RPL37: variants seen among roughly 807,000 people sequenced by gnomAD.
RPL37 encodes the protein ribosomal protein L37.
Under a neutral mutation model 14.8 loss-of-function variants are expected in RPL37, and 1 was observed. The ratio of observed to expected loss-of-function variants is 0.07; its 90% CI spans 0.02 to 0.32. The LOEUF (loss-of-function observed/expected upper bound fraction) is 0.32, where lower values mean the gene tolerates loss of function less well. Among genes scored for constraint, RPL37 ranks in the 10% least tolerant of loss-of-function variants. The pLI is 1.00. For missense variants in RPL37, 100 were observed against 128.3 expected, an observed-to-expected ratio of 0.78 and a Z score of 1.06; for synonymous variants, 53 against 45.8, an observed-to-expected ratio of 1.16 and a Z score of -0.63.
chr5:40,834,356 G>A, intron 2 of RPL37, 91 bp from the exon 3 acceptor site: 2 of 1,558,724 alleles, frequency 1.3e-6, no homozygotes, highest in East Asian at 2.2e-5. Flanking sequence ...CCACCTCATC[G>A]GCATACAGAT....
chr5:40,826,558 G>A lies in RPL37; in HGVS notation c.*5946C>T, dbSNP rs935796626. The A allele has an allele frequency of 2.0e-5, 3 of 152,180 alleles. No individual in the cohort carries two copies. The highest frequency in any genetic ancestry group is 7.2e-5 in the African/African-American group (3 of 41,452). The allele number at this position is 152,180 out of a possible 1,614,324, so 9.4% of individuals were successfully genotyped here. On this transcript the variant is annotated 3_prime_UTR_variant, in exon 4 of 4. Transcript: ENST00000274242. ...ACCCAGTGAAAGGAACTTCAAGGAA[G>A]CCCTTCAGAGAGCTTTGAAATGTGT...
chr5:40,834,338 G>A, intron 2 of RPL37, 73 bp from the exon 3 acceptor site: 3 of 1,566,598 alleles, frequency 1.9e-6, no homozygotes, highest in East Asian at 4.5e-5. Context: ...TAACACACGA[G>A]TTTTATGCCA....
chr5:40,835,106 C>T (rs1745736777), intron 1 of RPL37, 77 bp downstream of exon 1: 8 of 1,600,156 alleles, frequency 5.0e-6, no homozygotes, highest in South Asian at 4.4e-5. Context: ...TCTTGCCAGC[C>T]CCCCAAGCAC....
intron 3 of RPL37, chr5:40,833,884 TA>T (rs1158124762): frequency 1.2e-5 from 4 of 332,996 alleles, no homozygotes; most frequent in Non-Finnish European, 2.2e-5. Context: ...TTCTCTACAA[TA>T]AATACAAAAA....
rs1223134750 is a variant in RPL37 at position 40,828,023 on chromosome 5, T to G, written c.*4481A>C. On this transcript the variant is annotated 3_prime_UTR_variant, in exon 4 of 4. Transcript: ENST00000274242. ...TAATAAATGTGAAACAGCCTCTTTCTCTGAAACAAGTTCTTCAGTAAAATA... is the reference window on the plus strand; with the variant it reads ...TAATAAATGTGAAACAGCCTCTTTCGCTGAAACAAGTTCTTCAGTAAAATA... 1 of 152,252 alleles carries G rather than the reference T, an allele frequency of 6.6e-6. No homozygotes were observed. Among genetic ancestry groups the G allele is most frequent in the Non-Finnish European group, 1.5e-5 (1 of 68,040 alleles). The allele number at this position is 152,252 out of a possible 1,614,324, so 9.4% of individuals were successfully genotyped here.
rs1745499323 is a variant in RPL37 at position 40,825,652 on chromosome 5, G to A, written c.*6852C>T. On this transcript the variant is annotated 3_prime_UTR_variant, in exon 4 of 4. Transcript: ENST00000274242. ...CTGAGCCATACACTACATTGCCTTA[G>A]TCCTGTTCACCCTTTGGTGATTCTG... 1 of 152,262 alleles carries A rather than the reference G, an allele frequency of 6.6e-6. No homozygotes were observed. Among genetic ancestry groups the A allele is most frequent in the Non-Finnish European group, 1.5e-5 (1 of 68,090 alleles). 9.4% of individuals were successfully genotyped at this position (152,262 alleles called of 1,614,324 possible).
In RPL37 at chr5:40,831,725, C is replaced by T. The variant is rs536412182; in HGVS notation, c.*779G>A. On this transcript the variant is annotated 3_prime_UTR_variant, in exon 4 of 4. Coordinates refer to ENST00000274242, the MANE Select transcript of RPL37 (RefSeq NM_000997.5). The stretch of plus-strand genomic sequence containing the variant: ...AACCACGAAAACTAGGAAGGCACGA[C>T]AGCAAGTTTCAGTGCTTTAACACAG... 1.3e-5 allele frequency: 2 copies of T among 152,394 alleles called. No homozygotes were observed. The highest frequency in any genetic ancestry group is 3.8e-4 in the East Asian group (2 of 5,310). 9.4% of individuals were successfully genotyped at this position (152,394 alleles called of 1,614,324 possible).
intron 1 of RPL37, 56 bp downstream of exon 1, chr5:40,835,127 G>A (rs1344171564): frequency 9.3e-6 from 15 of 1,612,862 alleles, no homozygotes; most frequent in East Asian, 2.2e-5. Flanking sequence ...AGCAAACAGA[G>A]AGGCACAAAG....
intron 1 of RPL37, 71 bp from the exon 2 acceptor site, chr5:40,834,677 C>A: frequency 6.7e-7 from 1 of 1,485,566 alleles, no homozygotes; most frequent in Non-Finnish European, 9.1e-7. Flanking sequence ...TCCGGGAAAC[C>A]AATTACTGAT....
At chr5:40,834,300 G>A (rs757498823) in intron 2 of RPL37, 35 bp from the exon 3 acceptor site, 2 of 1,594,948 alleles carry the variant, frequency 1.3e-6, no homozygotes, top group Non-Finnish European at 1.7e-6. Flanking sequence ...TTCAAACGGT[G>A]TTCTCCCACA....
intron 1 of RPL37, chr5:40,834,948 G>C (rs1002149875): frequency 4.7e-6 from 3 of 638,274 alleles, no homozygotes; most frequent in Non-Finnish European, 8.2e-6. Flanking sequence ...GGTCTCCAAA[G>C]GTTGGACCGA....
Position 40,826,651 on chromosome 5 carries a change from T to G in RPL37, c.*5853A>C, listed in dbSNP as rs1561205381. 6.6e-6 allele frequency: 1 copy of G among 152,190 alleles called. No homozygotes were observed. The highest frequency in any genetic ancestry group is 1.5e-5 in the Non-Finnish European group (1 of 68,050). 9.4% of individuals were successfully genotyped at this position (152,190 alleles called of 1,614,324 possible). On this transcript the variant is annotated 3_prime_UTR_variant, in exon 4 of 4. Coordinates refer to ENST00000274242, the MANE Select transcript of RPL37 (RefSeq NM_000997.5). ...CCATGCGATCTCCCTGAAATTGTTT[T>G]TTTCAGGCCAGGGATGTGAGAATGT...
rs1473611096 is a variant in RPL37, at chr5:40,829,612, A to G, written c.*2892T>C. 2 of 152,120 alleles carry G rather than the reference A, an allele frequency of 1.3e-5. No individual in the cohort carries two copies. The highest frequency in any genetic ancestry group is 1.5e-5 in the Non-Finnish European group (1 of 68,046). The allele number at this position is 152,120 out of a possible 1,614,324, so 9.4% of individuals were successfully genotyped here. ...AGCCTGGCTTCACCTATTGAGTGAC[A>G]AACTCCTTTCCAATGCTCTCACAGA... On this transcript the variant is annotated 3_prime_UTR_variant, in exon 4 of 4. Transcript: ENST00000274242.
Position 40,829,805 on chromosome 5 carries a change from TG to T in RPL37, c.*2698del, listed in dbSNP as rs34537676. Reference sequence around the variant, plus strand: ...CTCCTGCCTCAGCCTCCCTAGTAGCTGGGATTACAGGCATGCACCACCACGC... The same window carrying T: ...CTCCTGCCTCAGCCTCCCTAGTAGCTGGATTACAGGCATGCACCACCACGC... On this transcript the variant is annotated 3_prime_UTR_variant, in exon 4 of 4. Coordinates refer to ENST00000274242, the MANE Select transcript of RPL37 (RefSeq NM_000997.5). 1 of 152,020 alleles carries T rather than the reference TG, an allele frequency of 6.6e-6. No individual in the cohort carries two copies. The highest frequency in any genetic ancestry group is 1.5e-5 in the Non-Finnish European group (1 of 68,076). The allele number at this position is 152,020 out of a possible 1,614,324, so 9.4% of individuals were successfully genotyped here.
rs375640970 is a variant in RPL37 at position 40,832,423 on chromosome 5, T to A, written c.*81A>T. On this transcript the variant is annotated 3_prime_UTR_variant, in exon 4 of 4. Coordinates refer to ENST00000274242, the MANE Select transcript of RPL37 (RefSeq NM_000997.5). ...TATTTCACTGATACTACAAGCCTAATTGATTAAAAATACCTTACCAAAACC... is the reference window on the plus strand; with the variant it reads ...TATTTCACTGATACTACAAGCCTAAATGATTAAAAATACCTTACCAAAACC... 3 of 1,192,790 alleles carry A rather than the reference T, an allele frequency of 2.5e-6. No homozygotes were observed. The Admixed American group carries it at 5.1e-5, about 20-fold the overall frequency. The allele number at this position is 1,192,790 out of a possible 1,614,324, so 73.9% of individuals were successfully genotyped here. A position where few individuals can be genotyped will look rare whatever the true frequency, so the allele number is the denominator to read the frequency against.
chr5:40,834,641 G>C, intron 1 of RPL37, 35 bp from the exon 2 acceptor site: 1 of 1,566,826 alleles, frequency 6.4e-7, no homozygotes, highest in Non-Finnish European at 8.6e-7. Context: ...TCTGAAACCT[G>C]GCAACTTCTA....
In RPL37 at chr5:40,828,253, A is replaced by G. The variant is rs1361543103; in HGVS notation, c.*4251T>C. Reference sequence around the variant, plus strand: ...AAAGGTTCCTCCATCCCCACTGTCTATTACGCTCGTGGTATCCTTGTCTTA... The same window carrying G: ...AAAGGTTCCTCCATCCCCACTGTCTGTTACGCTCGTGGTATCCTTGTCTTA... On this transcript the variant is annotated 3_prime_UTR_variant, in exon 4 of 4. Transcript: ENST00000274242. 1 of 152,188 alleles carries G rather than the reference A, an allele frequency of 6.6e-6. No homozygotes were observed. Among genetic ancestry groups the G allele is most frequent in the Non-Finnish European group, 1.5e-5 (1 of 68,036 alleles). The allele number at this position is 152,188 out of a possible 1,614,324, so 9.4% of individuals were successfully genotyped here. A position where few individuals can be genotyped will look rare whatever the true frequency, so the allele number is the denominator to read the frequency against.
chr5:40,835,104 GC>G (rs1314916851), intron 1 of RPL37, 78 bp downstream of exon 1: 4 of 1,595,008 alleles, frequency 2.5e-6, no homozygotes, highest in South Asian at 1.1e-5. Context: ...AATCTTGCCA[GC>G]CCCCCAAGCA....
rs1278991113 is a variant in RPL37, at chr5:40,825,792, A to C, written c.*6712T>G. The C allele has an allele frequency of 6.6e-6, 1 of 152,196 alleles. No individual in the cohort carries two copies. Among genetic ancestry groups the C allele is most frequent in the African/African-American group, 2.4e-5 (1 of 41,396 alleles). 9.4% of individuals were successfully genotyped at this position (152,196 alleles called of 1,614,324 possible). On this transcript the variant is annotated 3_prime_UTR_variant, in exon 4 of 4. Coordinates refer to ENST00000274242, the MANE Select transcript of RPL37 (RefSeq NM_000997.5). Reference sequence around the variant, plus strand: ...GCAATCTCAGCTCACTGCAGTCTCAACTTCCTGGGCTCAGGTGATCCTCCT... The same window carrying C: ...GCAATCTCAGCTCACTGCAGTCTCACCTTCCTGGGCTCAGGTGATCCTCCT...
Sources: gnomAD v4.1 joint callset for allele counts on GRCh38, gnomAD v4.1.1 for gene constraint, MANE v1.5 for transcripts, NCBI Gene and HGNC (gene_info 2026-07-23, HGNC 2026-07-21) for gene names.